Variants in RAB3IP observed in about 807,000 individuals in gnomAD.
RAB3IP encodes the protein RAB3A interacting protein.
In RAB3IP, 36 loss-of-function variants were observed where a neutral mutation model predicts 59.1. The observed-to-expected ratio is 0.61, with a 90% CI of 0.47 to 0.80. The LOEUF (loss-of-function observed/expected upper bound fraction) is 0.80. Among genes scored for constraint, RAB3IP ranks in the 30% least tolerant of loss-of-function variants. RAB3IP has a pLI of 0.00. For synonymous variants in RAB3IP, 207 were observed against 191.2 expected (o/e 1.08, Z -0.68); for missense variants, 511 against 536.0 (o/e 0.95, Z 0.46).
intron 3 of RAB3IP, among the ~76,000 whole-genome samples, chr12:69,775,340 C>T (rs961375332): frequency 3.5e-5 from 5 of 141,496 alleles, no homozygotes; most frequent in Non-Finnish European, 7.6e-5. Flanking sequence ...TCTAGATAAA[C>T]AATCATGTCA....
At chr12:69,794,714 A>C (rs1877170679) in intron 5 of RAB3IP, among the ~76,000 whole-genome samples, 200 bp downstream of exon 5, 1 of 152,198 alleles carries the variant, frequency 6.6e-6, no homozygotes, top group Admixed American at 6.5e-5. Context: ...ATGAGAACCA[A>C]ATGATTTAAA....
intron 8 of RAB3IP, among the ~76,000 whole-genome samples, chr12:69,811,414 C>T (rs908466701): frequency 1.4e-4 from 22 of 152,158 alleles, no homozygotes; most frequent in African/African-American, 5.3e-4. Flanking sequence ...AAAAGAAACA[C>T]TTATTATTTT....
At chr12:69,763,686 G>T (rs1193574947) in intron 3 of RAB3IP, among the ~76,000 whole-genome samples, 1 of 151,962 alleles carries the variant, frequency 6.6e-6, no homozygotes, top group Non-Finnish European at 1.5e-5. Context: ...ATAGTTCTGT[G>T]GTTTAGGTTA....
chr12:69,800,530 T>C (rs1450560475), intron 7 of RAB3IP, among the ~76,000 whole-genome samples, 193 bp downstream of exon 7: 1 of 152,176 alleles, frequency 6.6e-6, no homozygotes, highest in African/African-American at 2.4e-5. Flanking sequence ...TCTTTTCTTA[T>C]ATGAGCAGAG....
At chr12:69,779,837 G>A (rs1462970286) in intron 3 of RAB3IP, among the ~76,000 whole-genome samples, 1 of 152,120 alleles carries the variant, frequency 6.6e-6, no homozygotes, top group East Asian at 1.9e-4. Flanking sequence ...TTTAGGGTCT[G>A]TTATTGGTAC....
rs78214817 is a variant in RAB3IP at position 69,779,504 on chromosome 12, A to G, written c.511-5216A>G. On this transcript the variant is annotated intron_variant, in intron 3 of 10. Transcript: ENST00000247833. ...CTCGAACATTTTCTCTTTTGATGCT[A>G]TCCCATAGATCTTGTAAGCTTTCTT... is the stretch of plus-strand genomic sequence containing the variant. Among the ~76,000 whole-genome samples the G allele has an allele frequency of 1.2e-4, 18 of 150,152 alleles. No homozygotes were observed. In the East Asian group the frequency reaches 2.9e-3, roughly 24 times the overall value.
rs1456902029 is a variant in RAB3IP at position 69,818,355 on chromosome 12, GGAAGGATT to G, written c.*2911_*2918del. 6.6e-6 allele frequency: 1 copy of G among 151,936 alleles called. No individual in the cohort carries two copies. Among genetic ancestry groups the G allele is most frequent in the African/African-American group, 2.4e-5 (1 of 41,334 alleles). The allele number at this position is 151,936 out of a possible 1,614,324, so 9.4% of individuals were successfully genotyped here. On this transcript the variant is annotated 3_prime_UTR_variant, in exon 11 of 11. Transcript: ENST00000247833. ...TCCCAGCTACTTGGGAAGCTGAGGT[GGAAGGATT>G]GCTTAAGCCCAGGAGGTTGAGGCTG... is the stretch of plus-strand genomic sequence containing the variant.
intron 3 of RAB3IP, among the ~76,000 whole-genome samples, chr12:69,764,395 A>G (rs1871861076): frequency 6.6e-6 from 1 of 152,210 alleles, no homozygotes; most frequent in Non-Finnish European, 1.5e-5. Context: ...TTTGTTGAAT[A>G]AGGAGTCATT....
chr12:69,792,153 A>G (rs73332087), intron 4 of RAB3IP, among the ~76,000 whole-genome samples: 206 of 152,254 alleles, frequency 1.4e-3, no homozygotes, highest in African/African-American at 4.7e-3. Context: ...CAGGGGCTGG[A>G]AAGTGGGAGA....
At chr12:69,760,471 G>T (rs1315199840) in intron 3 of RAB3IP, among the ~76,000 whole-genome samples, 1 of 152,196 alleles carries the variant, frequency 6.6e-6, no homozygotes, top group East Asian at 1.9e-4. Context: ...CTCAGGATCC[G>T]TTTGGGGACT....
intron 3 of RAB3IP, among the ~76,000 whole-genome samples, chr12:69,763,284 C>A (rs149351457): frequency 6.6e-6 from 1 of 152,166 alleles, no homozygotes; most frequent in Non-Finnish European, 1.5e-5. Context: ...TGGTGGAGAA[C>A]GACTCTGGTG....
chr12:69,739,641 C>A (rs922899842), intron 1 of RAB3IP: 20 of 604,850 alleles, frequency 3.3e-5, no homozygotes, highest in Non-Finnish European at 5.3e-5. Context: ...TCCGGGCAGG[C>A]GCCCGGAGTC....
intron 3 of RAB3IP, among the ~76,000 whole-genome samples, chr12:69,764,698 T>G (rs1022366874): frequency 2.0e-5 from 3 of 152,188 alleles, no homozygotes; most frequent in Admixed American, 6.5e-5. Context: ...ATTGGTAGTT[T>G]GATAGGAATA....
At chr12:69,779,453 C>G (rs1228570705) in intron 3 of RAB3IP, among the ~76,000 whole-genome samples, 2 of 151,952 alleles carry the variant, frequency 1.3e-5, no homozygotes, top group East Asian at 1.9e-4. Flanking sequence ...ATTTGTCTTT[C>G]TTTATTCCCT....
chr12:69,758,156 T>A (rs1870523048), intron 3 of RAB3IP, among the ~76,000 whole-genome samples: 1 of 152,248 alleles, frequency 6.6e-6, no homozygotes, highest in South Asian at 2.1e-4. Context: ...AGTCTTATCT[T>A]AAGAGAGGCC....
intron 3 of RAB3IP, among the ~76,000 whole-genome samples, chr12:69,780,931 T>G (rs765755334): frequency 7.2e-5 from 11 of 152,240 alleles, no homozygotes; most frequent in Non-Finnish European, 1.5e-4. Flanking sequence ...TAAACAATAC[T>G]AAACTGTCTC....
chr12:69,813,890 A>G (rs1220613607), intron 10 of RAB3IP, among the ~76,000 whole-genome samples: 1 of 152,046 alleles, frequency 6.6e-6, no homozygotes, highest in East Asian at 1.9e-4. Flanking sequence ...AGTCACGCTG[A>G]TAAAAACTTA....
At chr12:69,802,904 C>T (rs566531859) in intron 8 of RAB3IP, among the ~76,000 whole-genome samples, 15 of 152,280 alleles carry the variant, frequency 9.9e-5, no homozygotes, top group African/African-American at 2.9e-4. Context: ...ACGTGTAGCA[C>T]GGTGGCCTCT....
chr12:69,762,068 A>T (rs1023033450), intron 3 of RAB3IP, among the ~76,000 whole-genome samples: 3 of 152,222 alleles, frequency 2.0e-5, no homozygotes, highest in African/African-American at 7.2e-5. Flanking sequence ...TGAACCTTTC[A>T]TGCCAATACC....
Sources: allele counts gnomAD v4.1 joint callset (sites outside exome capture counted in the v4.1 genomes callset), GRCh38; gene constraint gnomAD v4.1.1; transcripts MANE v1.5; gene names NCBI Gene and HGNC (gene_info 2026-07-23, HGNC 2026-07-21).